The following CYTH3 variants were observed in gnomAD, a reference collection of about 807,000 sequenced individuals.
CYTH3 encodes the protein cytohesin 3, also known as cytohesin-3.
CYTH3 carries 23 observed loss-of-function variants against 55.1 expected under a neutral mutation model. The ratio of observed to expected loss-of-function variants is 0.42; its 90% CI spans 0.30 to 0.59. The LOEUF is 0.59. Ranked by LOEUF, CYTH3 falls within the 20% of genes least tolerant of loss-of-function variation. The probability of loss-of-function intolerance (pLI) is 0.20; values close to 1 mark genes in which losing one functional copy is unlikely to be tolerated. For missense variants in CYTH3, 413 were observed against 524.8 expected, an observed-to-expected ratio of 0.79 and a Z score of 2.08; for synonymous variants, 249 against 194.9, an observed-to-expected ratio of 1.28 and a Z score of -2.31.
At chr7:6,176,388 C>A (rs1386732271) in intron 5 of CYTH3, among the ~76,000 whole-genome samples, 1 of 150,300 alleles carries the variant, frequency 6.7e-6, no homozygotes, top group East Asian at 2.0e-4. Context: ...CAGCCTCTTG[C>A]ATAGCTGAGA....
At chr7:6,206,470 C>T (rs1311622923) in intron 1 of CYTH3, among the ~76,000 whole-genome samples, 1 of 152,182 alleles carries the variant, frequency 6.6e-6, no homozygotes, top group African/African-American at 2.4e-5. Flanking sequence ...GAAAGTACTG[C>T]CTGAAGAAGG....
At chr7:6,220,551 G>T (rs1784527974) in intron 1 of CYTH3, among the ~76,000 whole-genome samples, 2 of 125,780 alleles carry the variant, frequency 1.6e-5, no homozygotes, top group Admixed American at 9.2e-5. Context: ...CAGACTGGGA[G>T]AAAGTCTCGA....
chr7:6,176,047 C>G (rs538015767), intron 5 of CYTH3, among the ~76,000 whole-genome samples: 6 of 152,186 alleles, frequency 3.9e-5, no homozygotes, highest in African/African-American at 1.4e-4. Flanking sequence ...ATAGTAAGCC[C>G]TCCAATCCAC....
chr7:6,185,569 A>T (rs377246879), intron 4 of CYTH3, among the ~76,000 whole-genome samples: 2 of 151,600 alleles, frequency 1.3e-5, no homozygotes, highest in Non-Finnish European at 2.9e-5. Flanking sequence ...GCATGGTGGC[A>T]GGCACCTGTA....
intron 1 of CYTH3, among the ~76,000 whole-genome samples, chr7:6,262,962 C>CA (rs915892091): frequency 1.1e-3 from 159 of 143,622 alleles, no homozygotes; most frequent in East Asian, 4.2e-3. Flanking sequence ...CATTTTTGAC[C>CA]AAAAAAAAAA....
chr7:6,237,912 C>T (rs1025278246), intron 1 of CYTH3, among the ~76,000 whole-genome samples: 11 of 152,282 alleles, frequency 7.2e-5, no homozygotes, highest in Admixed American at 2.6e-4. Flanking sequence ...GGCTGAGGAA[C>T]ACGTGTGCAA....
At chr7:6,220,822 C>G (rs1426935549) in intron 1 of CYTH3, among the ~76,000 whole-genome samples, 2 of 151,982 alleles carry the variant, frequency 1.3e-5, no homozygotes, top group African/African-American at 4.8e-5. Flanking sequence ...ACGGTGAAAC[C>G]CCATCTCTAC....
rs943151822 is a variant in CYTH3 at position 6,210,811 on chromosome 7, C to A, written c.35-20280G>T. Among the ~76,000 whole-genome samples the A allele has an allele frequency of 3.3e-5, 5 of 152,134 alleles. No individual in the cohort carries two copies. The South Asian group carries it at 8.3e-4, about 25-fold the overall frequency. Reference sequence around the variant, plus strand: ...CTCAGCATCTTTAACTAAGTGTCTTCCAAGAAAACAGTTGGGCATATTGCC... The same window carrying A: ...CTCAGCATCTTTAACTAAGTGTCTTACAAGAAAACAGTTGGGCATATTGCC... On this transcript the variant is annotated intron_variant, in intron 1 of 12. Coordinates refer to ENST00000350796, the MANE Select transcript of CYTH3 (RefSeq NM_004227.4).
intron 1 of CYTH3, among the ~76,000 whole-genome samples, chr7:6,217,177 G>C (rs1336005447): frequency 6.6e-6 from 1 of 152,120 alleles, no homozygotes. Flanking sequence ...GCCTCCCAAA[G>C]TGCCAAGATT....
At chr7:6,186,719 G>T (rs960424508) in intron 4 of CYTH3, among the ~76,000 whole-genome samples, 33 of 152,202 alleles carry the variant, frequency 2.2e-4, no homozygotes, top group Admixed American at 2.0e-3. Flanking sequence ...CAAGCGGGAA[G>T]ATGCGAATAT....
intron 1 of CYTH3, among the ~76,000 whole-genome samples, chr7:6,235,315 A>G (rs1467290364): frequency 2.0e-5 from 3 of 152,086 alleles, no homozygotes; most frequent in Admixed American, 6.6e-5. Context: ...TGTCTCTACT[A>G]AAAATACAAA....
intron 1 of CYTH3, among the ~76,000 whole-genome samples, chr7:6,253,945 A>G (rs1220479893): frequency 6.6e-6 from 1 of 151,786 alleles, no homozygotes; most frequent in South Asian, 2.1e-4. Context: ...GTGAGCCAAG[A>G]TCATGCCACT....
chr7:6,184,049 C>CTTTTTTTT lies in CYTH3; in HGVS notation c.249+2993_249+3000dup, dbSNP rs60634853. On this transcript the variant is annotated intron_variant, in intron 4 of 12. Transcript: ENST00000350796. ...CATTGTTTACGCACCCCCTCTGTGG[C>CTTTTTTTT]TTTTTTTTTTTTTTTTTTTTTTTTT... Among the ~76,000 whole-genome samples, 2 of 46,400 alleles carry CTTTTTTTT rather than the reference C, an allele frequency of 4.3e-5. 1 individual carries two copies. The allele number at this position is 46,400 out of a possible 152,430, so 30.4% of individuals were successfully genotyped here. A position where few individuals can be genotyped will look rare whatever the true frequency, so the allele number is the denominator to read the frequency against.
intron 1 of CYTH3, among the ~76,000 whole-genome samples, chr7:6,233,094 G>A (rs1193478206): frequency 6.6e-6 from 1 of 152,136 alleles, no homozygotes; most frequent in Non-Finnish European, 1.5e-5. Flanking sequence ...TCCCCAGGCT[G>A]CATTCCAGTT....
intron 4 of CYTH3, among the ~76,000 whole-genome samples, chr7:6,182,039 T>G (rs999268947): frequency 2.7e-4 from 41 of 152,140 alleles, no homozygotes; most frequent in Admixed American, 2.0e-4. Context: ...TTGCTTCTTC[T>G]GTTTTTATTT....
intron 4 of CYTH3, among the ~76,000 whole-genome samples, chr7:6,179,629 A>C (rs1452837162): frequency 2.8e-5 from 3 of 108,400 alleles, no homozygotes; most frequent in South Asian, 3.4e-4. Flanking sequence ...CACACCCCCC[A>C]CATACACCTC....
Position 6,190,493 on chromosome 7 carries a change from G to C in CYTH3, c.73C>G (p.Leu25Val), listed in dbSNP as rs11978706. 7.3e-6 allele frequency: 11 copies of C among 1,505,796 alleles called. No homozygotes were observed. In the African/African-American group the frequency reaches 1.3e-4, roughly 18 times the overall value. The allele number at this position is 1,505,796 out of a possible 1,614,324, so 93.3% of individuals were successfully genotyped here. The change falls in exon 2 of 13, where the codon CTA becomes GTA. Residue 25 changes from leucine to valine, a missense_variant. This residue lies in a region of CYTH3 where 152 missense variants were observed against 148.1 expected (regional missense o/e 1.03). Coordinates refer to ENST00000350796, the MANE Select transcript of CYTH3 (RefSeq NM_004227.4). ...TCCTTTTTTCTTCGACGAATGTCTA[G>C]AAGTTCTTCTCTCTCTTCTAATGAG... ...DLSLEEREEL[L>V]DIRRRKKELI...
chr7:6,172,709 C>A (rs1372416839), intron 6 of CYTH3: 3 of 1,127,294 alleles, frequency 2.7e-6, no homozygotes, highest in Non-Finnish European at 3.3e-6. Flanking sequence ...AGGGCCGCAC[C>A]AGACACCCCT....
In CYTH3 at chr7:6,237,992, A is replaced by C. The variant is rs140508606; in HGVS notation, c.34+34482T>G. ...CTGAGATGTTACGCAATGAGTATAG[A>C]GTCAGCTATAGGTAAAGATACCAGG... On this transcript the variant is annotated intron_variant, in intron 1 of 12. Coordinates refer to ENST00000350796, the MANE Select transcript of CYTH3 (RefSeq NM_004227.4). Among the ~76,000 whole-genome samples the C allele has an allele frequency of 8.9e-3, 1,361 of 152,324 alleles. 20 individuals carry two copies. The highest frequency in any genetic ancestry group is 0.029 in the African/African-American group (1,210 of 41,570).
Sources: allele counts gnomAD v4.1 joint callset (sites outside exome capture counted in the v4.1 genomes callset), GRCh38; gene constraint gnomAD v4.1.1; regional missense constraint gnomAD v4.1.1; transcripts MANE v1.5; gene names NCBI Gene and HGNC (gene_info 2026-07-23, HGNC 2026-07-21).